The following SLC7A7 variants were observed in gnomAD, a reference collection of about 807,000 sequenced individuals.
SLC7A7 encodes the protein solute carrier family 7 member 7.
Under a neutral mutation model 47.9 loss-of-function variants are expected in SLC7A7, and 39 were observed. That is an observed-to-expected ratio of 0.81 (90% CI 0.63 to 1.06). The LOEUF is 1.06. SLC7A7 is among the 50% of genes least tolerant of loss of function. The probability of loss-of-function intolerance (pLI) is 0.00; values close to 1 mark genes in which losing one functional copy is unlikely to be tolerated. For missense variants in SLC7A7, 588 were observed against 632.0 expected, an observed-to-expected ratio of 0.93 and a Z score of 0.75; for synonymous variants, 234 against 242.8, an observed-to-expected ratio of 0.96 and a Z score of 0.34.
chr14:22,795,184 A>G (rs1480789918), intron 2 of SLC7A7, among the ~76,000 whole-genome samples: 1 of 148,042 alleles, frequency 6.8e-6, no homozygotes, highest in Non-Finnish European at 1.5e-5. Flanking sequence ...GGGCTTAAAC[A>G]ATCCTCCCAC....
rs149027087 is a variant in SLC7A7 at position 22,807,888 on chromosome 14, G to A, written c.499+5012C>T. Among the ~76,000 whole-genome samples the A allele has an allele frequency of 6.4e-3, 970 of 152,278 alleles. 4 individuals carry two copies. The highest frequency in any genetic ancestry group is 0.011 in the Non-Finnish European group (740 of 68,024). ...TAAAGTTGTCCCATTTAGGTCGGGCGTGGTAGCTCATGCCTGTAGTCCCAG... is the reference window on the plus strand; with the variant it reads ...TAAAGTTGTCCCATTTAGGTCGGGCATGGTAGCTCATGCCTGTAGTCCCAG... On this transcript the variant is annotated intron_variant, in intron 2 of 9. Coordinates refer to ENST00000674313, the MANE Select transcript of SLC7A7 (RefSeq NM_003982.4).
At chr14:22,805,946 T>C (rs1212476365) in intron 2 of SLC7A7, among the ~76,000 whole-genome samples, 3 of 151,092 alleles carry the variant, frequency 2.0e-5, no homozygotes, top group Non-Finnish European at 4.4e-5. Context: ...ATTGAGACCA[T>C]CCTGGCCAAC....
intron 2 of SLC7A7, among the ~76,000 whole-genome samples, chr14:22,791,380 C>T (rs373816400): frequency 5.3e-5 from 8 of 152,102 alleles, no homozygotes; most frequent in African/African-American, 1.7e-4. Context: ...GACAAAGAGA[C>T]GAAAATTCCA....
chr14:22,775,185 G>A (rs1037934716), intron 7 of SLC7A7, among the ~76,000 whole-genome samples: 2 of 152,038 alleles, frequency 1.3e-5, no homozygotes, highest in Non-Finnish European at 2.9e-5. Flanking sequence ...CTCACTATCT[G>A]TCATGGCAAT....
In SLC7A7 at chr14:22,775,648, T is replaced by A. The variant is rs1186431954; in HGVS notation, c.999-108A>T. 47 of 1,018,482 alleles carry A rather than the reference T, an allele frequency of 4.6e-5. 2 individuals carry two copies. In the East Asian group the frequency reaches 7.4e-4, roughly 16 times the overall value. 63.1% of individuals were successfully genotyped at this position (1,018,482 alleles called of 1,614,324 possible). ...CTGCCATCCCTTCCTTCAAAAGTAT[T>A]TGGATAATATGGACTGGAGCTCAGT... On this transcript the variant is annotated intron_variant, in intron 6 of 9. Coordinates refer to ENST00000674313, the MANE Select transcript of SLC7A7 (RefSeq NM_003982.4).
At chr14:22,783,153 C>T (rs1313392613) in intron 2 of SLC7A7, among the ~76,000 whole-genome samples, 1 of 151,892 alleles carries the variant, frequency 6.6e-6, no homozygotes, top group Non-Finnish European at 1.5e-5. Flanking sequence ...AGGCTGGTCT[C>T]GAACTCCTGA....
At chr14:22,790,175 A>G (rs2038898974) in intron 2 of SLC7A7, among the ~76,000 whole-genome samples, 1 of 151,988 alleles carries the variant, frequency 6.6e-6, no homozygotes. Context: ...CAAAAAATAC[A>G]AAAATTAGCT....
At chr14:22,786,279 C>G (rs962830131) in intron 2 of SLC7A7, among the ~76,000 whole-genome samples, 1 of 151,304 alleles carries the variant, frequency 6.6e-6, no homozygotes, top group Non-Finnish European at 1.5e-5. Context: ...GATCACGGCA[C>G]TGCACTCCAG....
At chr14:22,789,641 A>G (rs531244391) in intron 2 of SLC7A7, among the ~76,000 whole-genome samples, 11 of 152,026 alleles carry the variant, frequency 7.2e-5, no homozygotes, top group Non-Finnish European at 8.8e-5. Context: ...AAAAAAAAAA[A>G]AAAAGAAAAA....
intron 2 of SLC7A7, among the ~76,000 whole-genome samples, chr14:22,798,855 T>G (rs2039062377): frequency 6.6e-6 from 1 of 152,152 alleles, no homozygotes; most frequent in African/African-American, 2.4e-5. Context: ...TATTTTTGAG[T>G]GTAAACCTGC....
At chr14:22,809,169 T>A (rs1345507288) in intron 2 of SLC7A7, among the ~76,000 whole-genome samples, 1 of 152,288 alleles carries the variant, frequency 6.6e-6, no homozygotes, top group African/African-American at 2.4e-5. Context: ...TTGCATGTAT[T>A]CTTTTTGTTT....
At chr14:22,801,939 G>A (rs2039122111) in intron 2 of SLC7A7, among the ~76,000 whole-genome samples, 1 of 152,200 alleles carries the variant, frequency 6.6e-6, no homozygotes, top group Admixed American at 6.5e-5. Flanking sequence ...CTTGTTGAAT[G>A]TTTAATCTCC....
chr14:22,810,979 G>C (rs529028546), intron 2 of SLC7A7, among the ~76,000 whole-genome samples: 136 of 151,568 alleles, frequency 9.0e-4, no homozygotes, highest in South Asian at 2.7e-3. Flanking sequence ...ACTCCGTCTC[G>C]GAAAAAAAAA....
Position 22,795,389 on chromosome 14 carries a change from T to TTG in SLC7A7, c.500-15339_500-15338insCA, listed in dbSNP as rs1491495684. On this transcript the variant is annotated intron_variant, in intron 2 of 9. Coordinates refer to ENST00000674313, the MANE Select transcript of SLC7A7 (RefSeq NM_003982.4). Reference sequence around the variant, plus strand: ...CAATCTGAGTATTGCTTGCTTGCTTTCTTTCTTTCTTTCTTTCTTTCTTTC... The same window carrying TTG: ...CAATCTGAGTATTGCTTGCTTGCTTTTGCTTTCTTTCTTTCTTTCTTTCTTTC... Among the ~76,000 whole-genome samples the TTG allele has an allele frequency of 6.5e-4, 69 of 106,588 alleles. 1 individual carries two copies. The highest frequency in any genetic ancestry group is 1.1e-3 in the African/African-American group (37 of 33,392). 69.9% of individuals were successfully genotyped at this position (106,588 alleles called of 152,430 possible). A position where few individuals can be genotyped will look rare whatever the true frequency, so the allele number is the denominator to read the frequency against.
rs1310944790 is a variant in SLC7A7, at chr14:22,815,322, CT to C, written c.-46del. On this transcript the variant is annotated 5_prime_UTR_variant, in exon 1 of 10. Coordinates refer to ENST00000674313, the MANE Select transcript of SLC7A7 (RefSeq NM_003982.4). ...AAGAGGGTGGAACGCACACTCACTC[CT>C]TGGTCCTGGATATAAGCAGGTTCTC... is the stretch of plus-strand genomic sequence containing the variant. 2.2e-6 allele frequency: 1 copy of C among 453,750 alleles called. No homozygotes were observed. 28.1% of individuals were successfully genotyped at this position (453,750 alleles called of 1,614,324 possible).
chr14:22,812,753 T>A, intron 2 of SLC7A7, 147 bp downstream of exon 2: 1 of 506,062 alleles, frequency 2.0e-6, no homozygotes, highest in Non-Finnish European at 2.9e-6. Flanking sequence ...GTTTGAATTT[T>A]CACACAAAGC....
At chr14:22,775,615 C>G in intron 6 of SLC7A7, 75 bp from the exon 7 acceptor site, 1 of 1,232,270 alleles carries the variant, frequency 8.1e-7, no homozygotes, top group Non-Finnish European at 1.2e-6. Flanking sequence ...CCACATGGCC[C>G]TCCCTCTCTG....
At chr14:22,775,362 A>T in intron 7 of SLC7A7, 82 bp downstream of exon 7, 1 of 1,101,368 alleles carries the variant, frequency 9.1e-7, no homozygotes, top group Non-Finnish European at 1.4e-6. Flanking sequence ...CAGAGCTTTC[A>T]GGAAGCTAGA....
intron 2 of SLC7A7, among the ~76,000 whole-genome samples, chr14:22,781,408 A>T (rs1320332674): frequency 6.6e-6 from 1 of 151,414 alleles, no homozygotes; most frequent in African/African-American, 2.4e-5. Context: ...TTCCACCACC[A>T]CCCTCATTCT....
Sources: gnomAD v4.1 joint callset for allele counts (sites outside exome capture counted in the v4.1 genomes callset) on GRCh38, gnomAD v4.1.1 for gene constraint, MANE v1.5 for transcripts, NCBI Gene and HGNC (gene_info 2026-07-23, HGNC 2026-07-21) for gene names.